The following GLDN variants were observed in gnomAD, a reference collection of about 807,000 sequenced individuals.
GLDN encodes collomin.
In GLDN, 47 loss-of-function variants were observed where a neutral mutation model predicts 56.5. The ratio of observed to expected loss-of-function variants is 0.83; its 90% CI spans 0.66 to 1.06. The LOEUF (loss-of-function observed/expected upper bound fraction) is 1.06. Ranked by LOEUF, GLDN falls within the 50% of genes least tolerant of loss-of-function variation. The pLI is 0.00. For synonymous variants in GLDN, 332 were observed against 278.8 expected (o/e 1.19, Z -1.90); for missense variants, 782 against 714.3 (o/e 1.09, Z -1.08).
In GLDN at chr15:51,384,183, G is replaced by A. The variant is rs2037837906; in HGVS notation, c.541+291G>A. On this transcript the variant is annotated intron_variant, in intron 4 of 9. Transcript: ENST00000335449. ...GGAGCAGGAGCCCACAGCCCTGGGA[G>A]GGGCATTCTGTGGGCCGTGTGACAG... The A allele has an allele frequency of 1.0e-5, 4 of 400,610 alleles. No individual in the cohort carries two copies. The East Asian group carries it at 2.5e-4, about 25-fold the overall frequency. The allele number at this position is 400,610 out of a possible 1,614,324, so 24.8% of individuals were successfully genotyped here. A position where few individuals can be genotyped will look rare whatever the true frequency, so the allele number is the denominator to read the frequency against.
chr15:51,385,523 A>G (rs1446773793), intron 4 of GLDN: 2 of 152,124 alleles, frequency 1.3e-5, no homozygotes, highest in Admixed American at 1.3e-4. Context: ...TAGCTGGGAG[A>G]GACGGATAAT....
intron 6 of GLDN, among the ~76,000 whole-genome samples, chr15:51,398,945 G>A (rs1595839265): frequency 6.6e-6 from 1 of 152,236 alleles, no homozygotes; most frequent in Admixed American, 6.5e-5. Context: ...CTACCAGGGG[G>A]CTGGATCGGC....
At chr15:51,396,144 C>T (rs1028845503) in intron 5 of GLDN, among the ~76,000 whole-genome samples, 8 of 152,194 alleles carry the variant, frequency 5.3e-5, no homozygotes, top group African/African-American at 1.9e-4. Flanking sequence ...ACCACCTCCA[C>T]CTGGCAACCT....
At chr15:51,362,200 C>T (rs1024592456) in intron 1 of GLDN, among the ~76,000 whole-genome samples, 3 of 152,020 alleles carry the variant, frequency 2.0e-5, no homozygotes, top group Non-Finnish European at 4.4e-5. Flanking sequence ...CAAAGGAGGT[C>T]AGGGCCGGGC....
downstream of GLDN, among the ~76,000 whole-genome samples, chr15:51,410,059 C>T (rs1360704877): frequency 6.6e-6 from 1 of 152,198 alleles, no homozygotes; most frequent in African/African-American, 2.4e-5. Context: ...ATTACCACCA[C>T]TGGACAGCCC....
chr15:51,353,411 AGATGAACCT>A (rs1287897492), intron 1 of GLDN, among the ~76,000 whole-genome samples: 3 of 152,312 alleles, frequency 2.0e-5, no homozygotes, highest in African/African-American at 7.2e-5. Context: ...ACAGCAGGCA[AGATGAACCT>A]GTTGGGTAGT....
rs573293453 is a variant in GLDN at position 51,386,876 on chromosome 15, C to T, written c.541+2984C>T. On this transcript the variant is annotated intron_variant, in intron 4 of 9. Transcript: ENST00000335449. ...TGCTCCTGCCTGAGGTGGGGAGCCC[C>T]GCACTCAACTCAGATCTAAAGGGAC... Among the ~76,000 whole-genome samples, 23 of 152,218 alleles carry T rather than the reference C, an allele frequency of 1.5e-4. No individual in the cohort carries two copies. The East Asian group carries it at 3.5e-3, about 23-fold the overall frequency.
chr15:51,343,835 T>C (rs1278428907), intron 1 of GLDN, among the ~76,000 whole-genome samples: 1 of 152,192 alleles, frequency 6.6e-6, no homozygotes, highest in Non-Finnish European at 1.5e-5. Flanking sequence ...ACAGTGCAGA[T>C]TCCAGGGCCT....
intron 1 of GLDN, among the ~76,000 whole-genome samples, chr15:51,348,715 A>G (rs1270463642): frequency 2.0e-5 from 3 of 152,178 alleles, no homozygotes; most frequent in Non-Finnish European, 2.9e-5. Flanking sequence ...CAGCAATTCA[A>G]AAAAGTTCTT....
chr15:51,377,525 G>C (rs567268544), intron 2 of GLDN, 25 bp downstream of exon 2: 1 of 1,605,058 alleles, frequency 6.2e-7, no homozygotes, highest in Admixed American at 1.7e-5. Context: ...GAGCAGAGCC[G>C]CTCACACAAC....
chr15:51,370,496 C>T (rs1158985536), intron 1 of GLDN, among the ~76,000 whole-genome samples: 1 of 152,198 alleles, frequency 6.6e-6, no homozygotes, highest in African/African-American at 2.4e-5. Flanking sequence ...CTAGTTCATT[C>T]TGTTCATTTG....
chr15:51,354,124 G>A (rs2141054444), intron 1 of GLDN, among the ~76,000 whole-genome samples: 1 of 152,330 alleles, frequency 6.6e-6, no homozygotes, highest in South Asian at 2.1e-4. Flanking sequence ...TGTGGAGTTT[G>A]TTCTGAATCC....
chr15:51,365,009 C>T (rs2037372229), intron 1 of GLDN, among the ~76,000 whole-genome samples: 1 of 152,152 alleles, frequency 6.6e-6, no homozygotes, highest in Admixed American at 6.5e-5. Flanking sequence ...ACAAAAACAA[C>T]AGAAGATAAA....
At chr15:51,386,896 AG>A (rs1309901350) in intron 4 of GLDN, among the ~76,000 whole-genome samples, 1 of 152,158 alleles carries the variant, frequency 6.6e-6, no homozygotes, top group East Asian at 1.9e-4. Context: ...TCAGATCTAA[AG>A]GGACAATCGT....
At chr15:51,349,062 G>A (rs141791528) in intron 1 of GLDN, among the ~76,000 whole-genome samples, 7 of 152,128 alleles carry the variant, frequency 4.6e-5, no homozygotes, top group East Asian at 1.9e-4. Context: ...CTGTCACTAC[G>A]GCTTTTCAAA....
chr15:51,367,633 C>T (rs4775941), intron 1 of GLDN, among the ~76,000 whole-genome samples: 16,632 of 152,288 alleles, frequency 0.11, 1,112 homozygotes, highest in East Asian at 0.3. Context: ...AGCCCTACCC[C>T]TTGAAAGGCA....
rs750413223 is a variant in GLDN, at chr15:51,397,512, C to T, written c.731C>T (p.Pro244Leu). The change falls in exon 6 of 10, where the codon CCA becomes CTA. Residue 244 changes from proline to leucine, a missense_variant. By Grantham distance (98) the Pro-to-Leu change is moderately conservative. Transcript: ENST00000335449. ...GGCCCACCCGGTCCACCTGGGCCCC[C>T]AGGCCCTCCAGGTCCTCCAGGGCCC... Reference protein sequence around the residue: ...DQGPPGPPGPPGPPGPPGPPG... With the variant: ...DQGPPGPPGPLGPPGPPGPPG... 1.5e-5 allele frequency: 24 copies of T among 1,592,148 alleles called. No individual in the cohort carries two copies. The African/African-American group carries it at 3.1e-4, about 21-fold the overall frequency.
At chr15:51,360,606 A>C (rs777489695) in intron 1 of GLDN, 11 of 152,054 alleles carry the variant, frequency 7.2e-5, no homozygotes, top group Non-Finnish European at 1.3e-4. Context: ...TCTCAGTTTT[A>C]CTCTTCTGTC....
rs1455897074 is a variant in GLDN at position 51,373,415 on chromosome 15, A to T, written c.364-4034A>T. Among the ~76,000 whole-genome samples the T allele has an allele frequency of 2.6e-5, 4 of 152,218 alleles. No homozygotes were observed. In the South Asian group the frequency reaches 6.2e-4, roughly 24 times the overall value. On this transcript the variant is annotated intron_variant, in intron 1 of 9. Transcript: ENST00000335449. ...TTGGTTGCGGATGCAGAACCTGTGT[A>T]TATGGATAACTGACTATATTTACTG...
Sources: gnomAD v4.1 joint callset for allele counts (sites outside exome capture counted in the v4.1 genomes callset) on GRCh38, gnomAD v4.1.1 for gene constraint, MANE v1.5 for transcripts, NCBI Gene and HGNC (gene_info 2026-07-23, HGNC 2026-07-21) for gene names.